TET1: variants seen among roughly 807,000 people sequenced by gnomAD.
The protein encoded by TET1 is tet methylcytosine dioxygenase 1, also known as methylcytosine dioxygenase TET1.
A neutral mutation model predicts 148.7 loss-of-function variants in TET1; 13 were observed. That is an observed-to-expected ratio of 0.09 (90% CI 0.06 to 0.14). The LOEUF (loss-of-function observed/expected upper bound fraction) is 0.14, where lower values mean the gene tolerates loss of function less well. Among genes scored for constraint, TET1 ranks in the 10% least tolerant of loss-of-function variants. The pLI is 1.00. For missense variants in TET1, 2,182 were observed against 2,553.8 expected (o/e 0.85, Z 3.14); for synonymous variants, 907 against 937.2 (o/e 0.97, Z 0.59).
At chr10:68,663,315 C>A (rs2055148967) in intron 6 of TET1, among the ~76,000 whole-genome samples, 1 of 152,078 alleles carries the variant, frequency 6.6e-6, no homozygotes, top group South Asian at 2.1e-4. Context: ...TCTTTTATAA[C>A]CTTCTCTGCA....
At chr10:68,682,093 C>CTTTTTTTTTTTTTTTTTTTTT (rs386371716) in intron 9 of TET1, among the ~76,000 whole-genome samples, 4 of 67,052 alleles carry the variant, frequency 6.0e-5, no homozygotes, top group East Asian at 5.4e-4. Context: ...TTGATCTACT[C>CTTTTTTTTTTTTTTTTTTTTT]TTTTTTTTTT....
chr10:68,692,185 GAC>G lies in TET1; in HGVS notation c.*377_*378del. ...TTCATGTTCTATGATGTAAAATCAA[GAC>G]ACACAGTGTTAACTCTACACAGCTT... is the stretch of plus-strand genomic sequence containing the variant. On this transcript the variant is annotated 3_prime_UTR_variant, in exon 12 of 12. Coordinates refer to ENST00000373644, the MANE Select transcript of TET1 (RefSeq NM_030625.3). The G allele has an allele frequency of 3.7e-6, 1 of 270,848 alleles. No individual in the cohort carries two copies. The highest frequency in any genetic ancestry group is 5.3e-5 in the East Asian group (1 of 18,874). The allele number at this position is 270,848 out of a possible 1,614,324, so 16.8% of individuals were successfully genotyped here. A position where few individuals can be genotyped will look rare whatever the true frequency, so the allele number is the denominator to read the frequency against.
chr10:68,614,409 A>G (rs2054259938), intron 3 of TET1, among the ~76,000 whole-genome samples: 2 of 152,224 alleles, frequency 1.3e-5, no homozygotes, highest in Non-Finnish European at 2.9e-5. Flanking sequence ...GGAGAAAGGA[A>G]AAAATGTATT....
At chr10:68,609,580 C>G (rs183906319) in intron 3 of TET1, among the ~76,000 whole-genome samples, 208 of 152,268 alleles carry the variant, frequency 1.4e-3, no homozygotes, top group African/African-American at 4.7e-3. Flanking sequence ...TGTTATCCCA[C>G]AGTTTTAAAT....
rs116575927 is a variant in TET1 at position 68,602,834 on chromosome 10, G to A, written c.1968+1800G>A. Among the ~76,000 whole-genome samples, 1,209 of 152,136 alleles carry A rather than the reference G, an allele frequency of 7.9e-3. 20 individuals are homozygous for A. Among genetic ancestry groups the A allele is most frequent in the African/African-American group, 0.028 (1,151 of 41,504 alleles). ...AAAGGAAAAAAAATTTCTGATGTTG[G>A]CATTTAAAAATGGTTTTCCACATTT... On this transcript the variant is annotated intron_variant, in intron 3 of 11. Coordinates refer to ENST00000373644, the MANE Select transcript of TET1 (RefSeq NM_030625.3).
In TET1 at chr10:68,582,347, C is replaced by T. The variant is rs1032857596; in HGVS notation, c.1914+8095C>T. 2.0e-5 allele frequency among the ~76,000 whole-genome samples: 3 copies of T among 152,236 alleles called. No homozygotes were observed. The South Asian group carries it at 6.2e-4, about 32-fold the overall frequency. On this transcript the variant is annotated intron_variant, in intron 2 of 11. Coordinates refer to ENST00000373644, the MANE Select transcript of TET1 (RefSeq NM_030625.3). ...CTAACCTCAGGTGATCCGCCCACCT[C>T]GTCCTCCCAAAGAGCTGGGATTACA...
At chr10:68,594,457 A>T (rs997452413) in intron 2 of TET1, among the ~76,000 whole-genome samples, 1 of 152,180 alleles carries the variant, frequency 6.6e-6, no homozygotes, top group African/African-American at 2.4e-5. Context: ...TACCAGCAGA[A>T]CTGCTGGAAG....
In TET1 at chr10:68,692,562, G is replaced by A. The variant is rs1398371167; in HGVS notation, c.*748G>A. On this transcript the variant is annotated 3_prime_UTR_variant, in exon 12 of 12. Transcript: ENST00000373644. ...TGTGTAGAGTTCCATCTTGTTAACT[G>A]CAGTATGTATTCTAATCATGTATAT... 2 of 232,146 alleles carry A rather than the reference G, an allele frequency of 8.6e-6. No individual in the cohort carries two copies. The highest frequency in any genetic ancestry group is 4.4e-5 in the African/African-American group (2 of 45,256). The allele number at this position is 232,146 out of a possible 1,614,324, so 14.4% of individuals were successfully genotyped here. A position where few individuals can be genotyped will look rare whatever the true frequency, so the allele number is the denominator to read the frequency against.
chr10:68,690,822 ACC>A lies in TET1; in HGVS notation c.5420_5421del (p.Thr1807SerfsTer4). The part of the protein sequence containing the change: ...SLPTLGSNTE[T>X]VQPEVKSETE... ...TCCTTGTTTAGGGAGTAACACTGAG[ACC>A]GTGCAACCTGAAGTAAAAAGTGAAA... On this transcript the variant is annotated frameshift_variant, in exon 12 of 12. Transcript: ENST00000373644. LOFTEE classifies it low-confidence loss of function (END_TRUNC). 6.2e-7 allele frequency: 1 copy of A among 1,605,702 alleles called. No individual in the cohort carries two copies. Among genetic ancestry groups the A allele is most frequent in the Non-Finnish European group, 8.5e-7 (1 of 1,174,036 alleles).
intron 2 of TET1, among the ~76,000 whole-genome samples, chr10:68,579,744 A>T (rs1316425529): frequency 6.6e-6 from 1 of 152,192 alleles, no homozygotes; most frequent in African/African-American, 2.4e-5. Context: ...AGCACCTTTA[A>T]GATTTTTGCA....
At chr10:68,561,725 G>C (rs2795909) in intron 1 of TET1, among the ~76,000 whole-genome samples, 144,513 of 146,128 alleles carry the variant, frequency 0.99, 71,478 homozygotes, top group Middle Eastern at 1. Context: ...TCCGGTCCCC[G>C]CCTCTCTCGC....
At position 68,579,874 on chromosome 10, in the gene TET1, G is replaced by A. The variant is rs148873621; in HGVS notation, c.1914+5622G>A. Among the ~76,000 whole-genome samples the A allele has an allele frequency of 6.7e-3, 1,015 of 151,604 alleles. 11 individuals are homozygous for A. The highest frequency in any genetic ancestry group is 0.023 in the African/African-American group (955 of 41,338). ...GCCTCAGTCTCCAGGCCCAAGTGAT[G>A]CCCTTCTTCCTTTCTCTCTCTTCTT... is the stretch of plus-strand genomic sequence containing the variant. On this transcript the variant is annotated intron_variant, in intron 2 of 11. Transcript: ENST00000373644.
chr10:68,691,772 T>C lies in TET1; in HGVS notation c.6369T>C (p.Tyr2123=). The C allele has an allele frequency of 1.9e-6, 3 of 1,613,944 alleles. No individual in the cohort carries two copies. Among genetic ancestry groups the C allele is most frequent in the Non-Finnish European group, 2.5e-6 (3 of 1,180,038 alleles). ...THDNVVTVSP[Y]ALTHVAGPYN... ...ACAATGTTGTCACCGTGTCCCCTTA[T>C]GCTCTCACACACGTTGCGGGGCCCT... The change falls in exon 12 of 12, where the codon TAT becomes TAC. Residue 2123 remains tyrosine, a synonymous_variant. Transcript: ENST00000373644. The surrounding 1 kb of genome is among the most constrained non-coding windows in gnomAD (Gnocchi z 4.4).
intron 2 of TET1, among the ~76,000 whole-genome samples, chr10:68,590,887 C>T (rs1376978160): frequency 2.7e-5 from 4 of 149,530 alleles, no homozygotes; most frequent in African/African-American, 4.9e-5. Context: ...TGGAGTTTTG[C>T]TCTTCTTGCC....
In TET1 at chr10:68,646,305, A is replaced by T; in HGVS notation, c.3576A>T (p.Ala1192=). 1 of 1,614,188 alleles carries T rather than the reference A, an allele frequency of 6.2e-7. No individual in the cohort carries two copies. The highest frequency in any genetic ancestry group is 2.2e-5 in the East Asian group (1 of 44,886). The change falls in exon 4 of 12, where the codon GCA becomes GCT. Residue 1192 remains alanine, a synonymous_variant. Coordinates refer to ENST00000373644, the MANE Select transcript of TET1 (RefSeq NM_030625.3). ...GCACAATATGCGACATTTGGATAGC[A>T]TCGAAATTTCAAAATTTTGGGCAAT... ...MYGTICDIWI[A]SKFQNFGQFC...
intron 11 of TET1, among the ~76,000 whole-genome samples, chr10:68,687,579 T>C (rs1008082160): frequency 6.6e-6 from 1 of 152,106 alleles, no homozygotes; most frequent in Admixed American, 6.6e-5. Flanking sequence ...TTTGTTTCTT[T>C]GTTATTTTGT....
intron 2 of TET1, among the ~76,000 whole-genome samples, chr10:68,589,869 A>ATTT (rs2053899967): frequency 6.6e-6 from 1 of 151,606 alleles, no homozygotes; most frequent in Non-Finnish European, 1.5e-5. Flanking sequence ...ATGGGGCTTC[A>ATTT]CTGTGTTGGC....
intron 7 of TET1, among the ~76,000 whole-genome samples, chr10:68,669,617 G>A (rs1401134749): frequency 6.6e-6 from 1 of 151,016 alleles, no homozygotes; most frequent in Non-Finnish European, 1.5e-5. Flanking sequence ...GCCTCCCAAA[G>A]TGCTGGGATT....
At chr10:68,652,793 A>G (rs1219764879) in intron 6 of TET1, among the ~76,000 whole-genome samples, 199 bp downstream of exon 6, 2 of 151,016 alleles carry the variant, frequency 1.3e-5, no homozygotes, top group Non-Finnish European at 2.9e-5. Context: ...GGCTCAAGCA[A>G]TCTTTCCACC....
Sources: allele counts gnomAD v4.1 joint callset (sites outside exome capture counted in the v4.1 genomes callset), GRCh38; gene constraint gnomAD v4.1.1; non-coding constraint Gnocchi (gnomAD v3.1); transcripts MANE v1.5; gene names NCBI Gene and HGNC (gene_info 2026-07-23, HGNC 2026-07-21).